Variants in ADAMTS15 observed in about 807,000 individuals in gnomAD.
ADAMTS15 encodes the protein ADAM metallopeptidase with thrombospondin type 1 motif 15.
A neutral mutation model predicts 79.1 loss-of-function variants in ADAMTS15; 35 were observed. The ratio of observed to expected loss-of-function variants is 0.44; its 90% CI spans 0.34 to 0.59. ADAMTS15 has a LOEUF of 0.59. Among genes scored for constraint, ADAMTS15 ranks in the 20% least tolerant of loss-of-function variants. The pLI is 0.02. For missense variants in ADAMTS15, 1,324 were observed against 1,318.7 expected, an observed-to-expected ratio of 1.00 and a Z score of -0.06; for synonymous variants, 616 against 567.3, an observed-to-expected ratio of 1.09 and a Z score of -1.22.
At chr11:130,459,075 C>T (rs974025338) in intron 1 of ADAMTS15, among the ~76,000 whole-genome samples, 3 of 144,198 alleles carry the variant, frequency 2.1e-5, no homozygotes, top group Admixed American at 6.9e-5. Flanking sequence ...GCTCTGTCAC[C>T]CAGGCTGGAA....
Position 130,473,665 on chromosome 11 carries a change from C to T in ADAMTS15, c.2697C>T (p.Leu899=). The part of the protein sequence containing the change: ...ACGEPCPTWE[L]SAWSPCSKSC... ...GGGAGCCCTGCCCCACCTGGGAGCT[C>T]AGCGCCTGGTCACCCTGCTCCAAGA... Residue 899 remains leucine (L), a synonymous_variant, in exon 8 of 8, where the codon CTC becomes CTT. Transcript: ENST00000299164. The T allele has an allele frequency of 2.5e-6, 4 of 1,605,712 alleles. No individual in the cohort carries two copies. Among genetic ancestry groups the T allele is most frequent in the Non-Finnish European group, 2.5e-6 (3 of 1,179,892 alleles).
At chr11:130,465,374 G>A (rs891345564) in intron 4 of ADAMTS15, among the ~76,000 whole-genome samples, 4 of 152,174 alleles carry the variant, frequency 2.6e-5, no homozygotes, top group Non-Finnish European at 5.9e-5. Flanking sequence ...GGACATCGCT[G>A]ATCAATTCTC....
At chr11:130,470,160 A>ATATATACATATATATATATATATATGTG (rs1938404767) in intron 5 of ADAMTS15, among the ~76,000 whole-genome samples, 16 of 57,292 alleles carry the variant, frequency 2.8e-4, no homozygotes, top group Non-Finnish European at 4.6e-4. Context: ...ATGTGTATAT[A>ATATATACATATATATATATATATATGTG]TATATATATA....
rs1452201629 is a variant in ADAMTS15, at chr11:130,462,748, T to C, written c.1510T>C (p.Cys504Arg). 6.2e-7 allele frequency: 1 copy of C among 1,600,174 alleles called. No individual in the cohort carries two copies. The highest frequency in any genetic ancestry group is 2.3e-5 in the East Asian group (1 of 44,388). The change falls in exon 4 of 8, where the codon TGC (cysteine) becomes CGC (arginine). Residue 504 changes from cysteine to arginine, a missense_variant. By Grantham distance (180) the Cys-to-Arg change is radical. Coordinates refer to ENST00000299164, the MANE Select transcript of ADAMTS15 (RefSeq NM_139055.4). The surrounding 1 kb of genome is among the most constrained non-coding windows in gnomAD (Gnocchi z 4.3). The stretch of plus-strand genomic sequence containing the variant: ...GGGCAAGCTCTGCCTCAAAGGGGCC[T>C]GCGTGGAGAGACACAACCTCAACAA... ...GEGKLCLKGA[C>R]VERHNLNKHR...
chr11:130,462,525 G>A lies in ADAMTS15; in HGVS notation c.1287G>A (p.Lys429=), dbSNP rs1187542724. The A allele has an allele frequency of 6.2e-7, 1 of 1,603,646 alleles. No homozygotes were observed. The highest frequency in any genetic ancestry group is 2.2e-5 in the East Asian group (1 of 44,562). Residue 429 remains lysine (K), a synonymous_variant, in exon 4 of 8, where the codon AAG becomes AAA. Coordinates refer to ENST00000299164, the MANE Select transcript of ADAMTS15 (RefSeq NM_139055.4). The surrounding 1 kb of genome is among the most constrained non-coding windows in gnomAD (Gnocchi z 4.3). ...HGDCLLDQPS[K]PISLPEDLPG... ...ACTGCCTCCTGGACCAACCCAGCAA[G>A]CCCATCTCCCTGCCCGAGGATCTGC...
chr11:130,449,868 C>G lies in ADAMTS15; in HGVS notation c.895C>G (p.Leu299Val), dbSNP rs1258590125. 3.7e-6 allele frequency: 6 copies of G among 1,604,478 alleles called. No individual in the cohort carries two copies. Among genetic ancestry groups the G allele is most frequent in the Non-Finnish European group, 5.1e-6 (6 of 1,179,994 alleles). ...CAACTTCTGTGCCTGGCAGAAGAAGCTGAACAAAGTGAGTGACAAGCACCC... is the reference window on the plus strand; with the variant it reads ...CAACTTCTGTGCCTGGCAGAAGAAGGTGAACAAAGTGAGTGACAAGCACCC... The part of the protein sequence containing the change: ...LRNFCAWQKK[L>V]NKVSDKHPEY... The change falls in exon 1 of 8, where the codon CTG (leucine) becomes GTG (valine). Residue 299 changes from leucine to valine, a missense_variant. Transcript: ENST00000299164. This position sits in a 1 kb window ranked among gnomAD's most constrained non-coding sequence, Gnocchi z 7.8.
At chr11:130,450,902 TAG>T (rs1367442298) in intron 1 of ADAMTS15, among the ~76,000 whole-genome samples, 1 of 152,150 alleles carries the variant, frequency 6.6e-6, no homozygotes, top group African/African-American at 2.4e-5. Flanking sequence ...ATTCCAGCTG[TAG>T]AGTTAGAAGG....
Position 130,472,960 on chromosome 11 carries a change from A to G in ADAMTS15, c.2079-87A>G, listed in dbSNP as rs559679873. ...CCCATGCCAGAATTCACCGAAAGCT[A>G]GGTTTACTGAGGAAAACAGATCCTG... On this transcript the variant is annotated intron_variant, in intron 7 of 7. Transcript: ENST00000299164. This position sits in a 1 kb window ranked among gnomAD's most constrained non-coding sequence, Gnocchi z 4.7. 1.3e-3 allele frequency: 1,960 copies of G among 1,530,492 alleles called. 8 individuals carry two copies. The highest frequency in any genetic ancestry group is 4.7e-3 in the Admixed American group (242 of 51,150). 94.8% of individuals were successfully genotyped at this position (1,530,492 alleles called of 1,614,324 possible).
rs898666493 is a variant in ADAMTS15 at position 130,475,230 on chromosome 11, C to T, written c.*1409C>T. On this transcript the variant is annotated 3_prime_UTR_variant, in exon 8 of 8. Coordinates refer to ENST00000299164, the MANE Select transcript of ADAMTS15 (RefSeq NM_139055.4). ...CCTTGGGAGTAGGTTTCAGGAGGCA[C>T]CAAGAATCAATGACTGACCCAGGGG... 1 of 152,246 alleles carries T rather than the reference C, an allele frequency of 6.6e-6. No homozygotes were observed. The highest frequency in any genetic ancestry group is 2.4e-5 in the African/African-American group (1 of 41,456). The allele number at this position is 152,246 out of a possible 1,614,324, so 9.4% of individuals were successfully genotyped here.
rs372642079 is a variant in ADAMTS15, at chr11:130,449,660, A to C, written c.687A>C (p.Ser229=). The change falls in exon 1 of 8, where the codon TCA becomes TCC. Residue 229 remains serine, a synonymous_variant. Transcript: ENST00000299164. The surrounding 1 kb of genome is among the most constrained non-coding windows in gnomAD (Gnocchi z 7.8). ...YVETLVVADE[S]MVKFHGADLE... Reference sequence around the variant, plus strand: ...AGACGCTGGTGGTCGCGGACGAGTCAATGGTCAAGTTCCACGGCGCGGACC... The same window carrying C: ...AGACGCTGGTGGTCGCGGACGAGTCCATGGTCAAGTTCCACGGCGCGGACC... The C allele has an allele frequency of 6.9e-6, 11 of 1,600,272 alleles. No homozygotes were observed. The highest frequency in any genetic ancestry group is 8.5e-6 in the Non-Finnish European group (10 of 1,173,770).
intron 1 of ADAMTS15, among the ~76,000 whole-genome samples, chr11:130,453,182 G>T (rs1474694154): frequency 6.6e-6 from 1 of 152,060 alleles, no homozygotes; most frequent in Admixed American, 6.5e-5. Context: ...CTGCGGAGTC[G>T]GGGCTGGGGA....
chr11:130,471,330 T>C lies in ADAMTS15; in HGVS notation c.2025T>C (p.Cys675=), dbSNP rs776263853. ...SKKRFDKCGV[C]GGDNKSCKKV... ...AGAGATTCGACAAGTGTGGGGTGTG[T>C]GGGGGAGACAATAAGAGCTGCAAGA... is the stretch of plus-strand genomic sequence containing the variant. Residue 675 remains cysteine, a synonymous_variant, in exon 7 of 8, where the codon TGT becomes TGC. Coordinates refer to ENST00000299164, the MANE Select transcript of ADAMTS15 (RefSeq NM_139055.4). 6.2e-7 allele frequency: 1 copy of C among 1,612,304 alleles called. No individual in the cohort carries two copies. Among genetic ancestry groups the C allele is most frequent in the South Asian group, 1.1e-5 (1 of 90,798 alleles).
intron 4 of ADAMTS15, among the ~76,000 whole-genome samples, chr11:130,464,371 C>G (rs1014470196): frequency 1.3e-5 from 2 of 152,168 alleles, no homozygotes; most frequent in African/African-American, 4.8e-5. Context: ...CTGAAACTTT[C>G]CAGGAAACCT....
At chr11:130,457,436 G>T (rs1938107599) in intron 1 of ADAMTS15, among the ~76,000 whole-genome samples, 1 of 152,044 alleles carries the variant, frequency 6.6e-6, no homozygotes, top group Admixed American at 6.5e-5. Flanking sequence ...TGTTATCCTT[G>T]TTTATTTATT....
At chr11:130,470,152 GTGTATATATATATATATATATATATATA>G (rs1938400896) in intron 5 of ADAMTS15, among the ~76,000 whole-genome samples, 2 of 73,752 alleles carry the variant, frequency 2.7e-5, no homozygotes, top group East Asian at 9.4e-4. Flanking sequence ...ATATATATAT[GTGTATATATATATATATATATATATATA>G]TGTGTGTATA....
intron 4 of ADAMTS15, among the ~76,000 whole-genome samples, chr11:130,464,177 C>T (rs1282746709): frequency 6.6e-6 from 1 of 152,088 alleles, no homozygotes; most frequent in African/African-American, 2.4e-5. Flanking sequence ...CAATATGTGG[C>T]CAGTGCCTCG....
chr11:130,471,494 A>C, intron 7 of ADAMTS15, 111 bp downstream of exon 7: 1 of 1,293,310 alleles, frequency 7.7e-7, no homozygotes, highest in South Asian at 1.6e-5. Context: ...TCCAGCCAGT[A>C]CCCTTGCTGC....
rs180727783 is a variant in ADAMTS15, at chr11:130,454,201, A to G, written c.957+4271A>G. ...TTTCCTCTCCTCTCACTCTTCTTCC[A>G]TGCTCTCACCTTCCTCTTTTGGGAC... is the stretch of plus-strand genomic sequence containing the variant. On this transcript the variant is annotated intron_variant, in intron 1 of 7. Transcript: ENST00000299164. 5.6e-3 allele frequency among the ~76,000 whole-genome samples: 846 copies of G among 152,048 alleles called. 24 individuals carry two copies. The highest frequency in any genetic ancestry group is 0.039 in the Admixed American group (592 of 15,274).
At chr11:130,463,120 G>A (rs1370894533) in intron 4 of ADAMTS15, among the ~76,000 whole-genome samples, 3 of 152,210 alleles carry the variant, frequency 2.0e-5, no homozygotes, top group Non-Finnish European at 2.9e-5. Context: ...AACACATAGT[G>A]TCAGGAGCGG....
Sources: allele counts gnomAD v4.1 joint callset (sites outside exome capture counted in the v4.1 genomes callset), GRCh38; gene constraint gnomAD v4.1.1; non-coding constraint Gnocchi (gnomAD v3.1); transcripts MANE v1.5; gene names NCBI Gene and HGNC (gene_info 2026-07-23, HGNC 2026-07-21).